Variants in NSD2 observed in about 807,000 individuals in gnomAD.
The protein encoded by NSD2 is histone-lysine N-methyltransferase NSD2.
In NSD2, 12 loss-of-function variants were observed where a neutral mutation model predicts 139.0. That is an observed-to-expected ratio of 0.09 (90% CI 0.06 to 0.14). The LOEUF (loss-of-function observed/expected upper bound fraction) is 0.14. Ranked by LOEUF, NSD2 falls within the 10% of genes least tolerant of loss-of-function variation. NSD2 has a pLI of 1.00. For missense variants in NSD2, 1,155 were observed against 1,745.0 expected, an observed-to-expected ratio of 0.66 and a Z score of 6.02; for synonymous variants, 669 against 648.7, an observed-to-expected ratio of 1.03 and a Z score of -0.48.
rs554678803 is a variant in NSD2 at position 1,903,666 on chromosome 4, C to T, written c.598-550C>T. ...GGAAATAGATTTATATAGAGATCTTCAAAATGTTGAACACCTGCTGTGTGC... is the reference window on the plus strand; with the variant it reads ...GGAAATAGATTTATATAGAGATCTTTAAAATGTTGAACACCTGCTGTGTGC... On this transcript the variant is annotated intron_variant, in intron 2 of 21. Transcript: ENST00000508803. Among the ~76,000 whole-genome samples, 82 of 151,932 alleles carry T rather than the reference C, an allele frequency of 5.4e-4. No homozygotes were observed. The South Asian group carries it at 6.9e-3, about 13-fold the overall frequency.
chr4:1,967,529 G>C (rs963699707), intron 18 of NSD2, among the ~76,000 whole-genome samples: 5 of 151,366 alleles, frequency 3.3e-5, no homozygotes, highest in African/African-American at 1.2e-4. Context: ...AGTGAGCCGA[G>C]ATCATGCTGT....
chr4:1,951,018 C>A, intron 9 of NSD2, 54 bp from the exon 10 acceptor site: 1 of 1,601,032 alleles, frequency 6.2e-7, no homozygotes, highest in Non-Finnish European at 8.5e-7. Context: ...CAGGGCATGG[C>A]CACCCGCTGT....
Position 1,955,946 on chromosome 4 carries a change from AG to A in NSD2, c.2676-35del. On this transcript the variant is annotated intron_variant, in intron 14 of 21. Transcript: ENST00000508803. The surrounding 1 kb of genome is among the most constrained non-coding windows in gnomAD (Gnocchi z 4.7). ...ATTGAAATTATTATCGCTGTCTCTG[AG>A]GAGTCTGTGAATCCTGTTTTTAATA... is the stretch of plus-strand genomic sequence containing the variant. The A allele has an allele frequency of 6.2e-7, 1 of 1,612,628 alleles. No individual in the cohort carries two copies. Among genetic ancestry groups the A allele is most frequent in the African/African-American group, 1.3e-5 (1 of 74,876 alleles).
At chr4:1,936,248 G>T (rs889974767) in intron 7 of NSD2, among the ~76,000 whole-genome samples, 2 of 152,214 alleles carry the variant, frequency 1.3e-5, no homozygotes, top group African/African-American at 4.8e-5. Context: ...GCATGTAGAA[G>T]ACGTGAGCCC....
chr4:1,959,782 G>A (rs774888825), intron 17 of NSD2, 42 bp downstream of exon 17: 1 of 1,597,342 alleles, frequency 6.3e-7, no homozygotes, highest in South Asian at 1.1e-5. Flanking sequence ...AGAAATTACG[G>A]TTCACTGGGT....
intron 1 of NSD2, among the ~76,000 whole-genome samples, chr4:1,890,955 G>A (rs1005709113): frequency 4.0e-5 from 6 of 151,824 alleles, no homozygotes; most frequent in Non-Finnish European, 8.8e-5. Context: ...GTGCAGTGGC[G>A]TGATCTTGGC....
chr4:1,959,385 TG>T, intron 16 of NSD2, 85 bp from the exon 17 acceptor site: 1 of 1,518,086 alleles, frequency 6.6e-7, no homozygotes, highest in Non-Finnish European at 9.0e-7. Context: ...ACCTGGAGGC[TG>T]GGTAAGGAGA....
At chr4:1,940,588 T>C (rs1253306327) in intron 9 of NSD2, 2 of 1,063,614 alleles carry the variant, frequency 1.9e-6, no homozygotes, top group Admixed American at 1.1e-4. Context: ...TTTCTTGTTA[T>C]TTGGTTCTCC....
At chr4:1,873,318 T>TGAG (rs1466162965) in intron 1 of NSD2, among the ~76,000 whole-genome samples, 2 of 152,220 alleles carry the variant, frequency 1.3e-5, no homozygotes, top group Non-Finnish European at 2.9e-5. Context: ...TTTAAGAGTA[T>TGAG]GAGGTAATTA....
intron 9 of NSD2, among the ~76,000 whole-genome samples, chr4:1,950,044 G>C (rs551921180): frequency 6.6e-6 from 1 of 152,302 alleles, no homozygotes; most frequent in South Asian, 2.1e-4. Flanking sequence ...TACAGGAAAT[G>C]TAGTTTATGC....
rs1726723433 is a variant in NSD2 at position 1,973,570 on chromosome 4, C to T, written c.3373-1293C>T. Among the ~76,000 whole-genome samples, 1 of 152,244 alleles carries T rather than the reference C, an allele frequency of 6.6e-6. No individual in the cohort carries two copies. The highest frequency in any genetic ancestry group is 6.5e-5 in the Admixed American group (1 of 15,284). ...TTTTATTATTGTGAAAAGCATCTTGCAGAGAACCACATTCTGGTACCATTT... is the reference window on the plus strand; with the variant it reads ...TTTTATTATTGTGAAAAGCATCTTGTAGAGAACCACATTCTGGTACCATTT... On this transcript the variant is annotated intron_variant, in intron 18 of 21. Coordinates refer to ENST00000508803, the MANE Select transcript of NSD2 (RefSeq NM_001042424.3). The surrounding 1 kb of genome is among the most constrained non-coding windows in gnomAD (Gnocchi z 5.5).
chr4:1,892,569 A>C lies in NSD2; in HGVS notation c.-29-8057A>C, dbSNP rs562525708. Among the ~76,000 whole-genome samples the C allele has an allele frequency of 4.9e-4, 72 of 148,424 alleles. 1 individual carries two copies. The highest frequency in any genetic ancestry group is 1.1e-3 in the Admixed American group (16 of 15,072). ...TGTCCCCCTTAGAAAACCACTGATAACTCTTTTTTTTTTTGAGACGGAGTC... is the reference window on the plus strand; with the variant it reads ...TGTCCCCCTTAGAAAACCACTGATACCTCTTTTTTTTTTTGAGACGGAGTC... On this transcript the variant is annotated intron_variant, in intron 1 of 21. Coordinates refer to ENST00000508803, the MANE Select transcript of NSD2 (RefSeq NM_001042424.3).
intron 1 of NSD2, among the ~76,000 whole-genome samples, chr4:1,877,217 AT>A (rs1379188633): frequency 6.6e-6 from 1 of 151,980 alleles, no homozygotes; most frequent in Non-Finnish European, 1.5e-5. Context: ...GTTTTCATAT[AT>A]TTTTTGCTGC....
intron 1 of NSD2, among the ~76,000 whole-genome samples, chr4:1,885,455 T>C (rs1250262306): frequency 6.6e-6 from 1 of 152,236 alleles, no homozygotes; most frequent in Admixed American, 6.5e-5. Flanking sequence ...TGGTCATTCT[T>C]GTAAGTTGAT....
At chr4:1,875,297 T>C (rs1246235306) in intron 1 of NSD2, among the ~76,000 whole-genome samples, 1 of 151,048 alleles carries the variant, frequency 6.6e-6, no homozygotes, top group African/African-American at 2.4e-5. Context: ...TTTTTTTTTT[T>C]TTGGGACAGG....
intron 18 of NSD2, among the ~76,000 whole-genome samples, chr4:1,966,656 CAAAAA>C (rs568684570): frequency 3.2e-5 from 2 of 63,140 alleles, no homozygotes; most frequent in Non-Finnish European, 3.3e-5. Flanking sequence ...GACTCTGTCT[CAAAAA>C]AAAAAAAAAA....
rs555374240 is a variant in NSD2, at chr4:1,965,051, CAAA to C, written c.3372+3922_3372+3924del. ...TAGACTTAACATGTCCAGTGTTCAG[CAAA>C]AAAAAAAAAAAAAAAAAAAAAGCCT... On this transcript the variant is annotated intron_variant, in intron 18 of 21. Transcript: ENST00000508803. Among the ~76,000 whole-genome samples the C allele has an allele frequency of 5.1e-4, 24 of 47,170 alleles. No homozygotes were observed. The East Asian group carries it at 9.2e-3, about 18-fold the overall frequency. 30.9% of individuals were successfully genotyped at this position (47,170 alleles called of 152,430 possible).
chr4:1,886,332 G>C (rs1192369576), intron 1 of NSD2, among the ~76,000 whole-genome samples: 1 of 152,222 alleles, frequency 6.6e-6, no homozygotes, highest in Middle Eastern at 3.4e-3. Flanking sequence ...TCAGTCTCCT[G>C]AATAGCTGGT....
intron 1 of NSD2, among the ~76,000 whole-genome samples, chr4:1,898,690 C>CTTT (rs79385915): frequency 4.4e-5 from 6 of 134,846 alleles, no homozygotes; most frequent in Non-Finnish European, 6.3e-5. Flanking sequence ...AAAAAACACA[C>CTTT]TTTTTTTTTT....
Sources: gnomAD v4.1 joint callset for allele counts (sites outside exome capture counted in the v4.1 genomes callset) on GRCh38, gnomAD v4.1.1 for gene constraint, Gnocchi (gnomAD v3.1) non-coding constraint, MANE v1.5 for transcripts, NCBI Gene and HGNC (gene_info 2026-07-23, HGNC 2026-07-21) for gene names.